EIF4ENIF1: variants seen among roughly 807,000 people sequenced by gnomAD.
EIF4ENIF1 encodes the protein eukaryotic translation initiation factor 4E nuclear import factor 1, also known as eukaryotic translation initiation factor 4E transporter.
Under a neutral mutation model 110.5 loss-of-function variants are expected in EIF4ENIF1, and 23 were observed. That is an observed-to-expected ratio of 0.21 (90% CI 0.15 to 0.29). The LOEUF (loss-of-function observed/expected upper bound fraction) is 0.29. Ranked by LOEUF, EIF4ENIF1 falls within the 10% of genes least tolerant of loss-of-function variation. The pLI is 1.00. For missense variants in EIF4ENIF1, 1,031 were observed against 1,221.1 expected (o/e 0.84, Z 2.32); for synonymous variants, 440 against 437.0 (o/e 1.01, Z -0.09).
At chr22:31,452,913 A>G (rs532406840) in intron 10 of EIF4ENIF1, among the ~76,000 whole-genome samples, 1 of 152,298 alleles carries the variant, frequency 6.6e-6, no homozygotes, top group East Asian at 1.9e-4. Flanking sequence ...TGTCTGTCCT[A>G]TTGGTCAGAT....
At chr22:31,450,885 A>ACACACG (rs2050648102) in intron 10 of EIF4ENIF1, 1 of 162,656 alleles carries the variant, frequency 6.1e-6, no homozygotes, top group Non-Finnish European at 1.3e-5. Context: ...ACACACACAC[A>ACACACG]CACACACACA....
At chr22:31,489,514 C>G (rs1033108971) in intron 1 of EIF4ENIF1, 180 bp downstream of exon 1, 9 of 150,062 alleles carry the variant, frequency 6.0e-5, no homozygotes, top group African/African-American at 1.9e-4. Context: ...CGCCAGCCAG[C>G]CCGCCGGCTA....
chr22:31,463,669 A>AG lies in EIF4ENIF1; in HGVS notation c.585+11_585+12insC, dbSNP rs1569086980. ...CTCAATTTAAAAAAAAAAAAAAAAA[A>AG]AAAAGACAAACCCTGAAACGCTTGT... On this transcript the variant is annotated intron_variant, in intron 5 of 18. Coordinates refer to ENST00000330125, the MANE Select transcript of EIF4ENIF1 (RefSeq NM_019843.4). 4 of 1,555,684 alleles carry AG rather than the reference A, an allele frequency of 2.6e-6. No homozygotes were observed. In the South Asian group the frequency reaches 3.7e-5, roughly 14 times the overall value.
upstream of EIF4ENIF1, among the ~76,000 whole-genome samples, chr22:31,492,512 T>A (rs2052293926): frequency 6.6e-6 from 1 of 152,186 alleles, no homozygotes; most frequent in African/African-American, 2.4e-5. Context: ...CTTTAATGTC[T>A]TGTAGAACTT....
At chr22:31,470,484 T>C (rs973659181) in intron 3 of EIF4ENIF1, among the ~76,000 whole-genome samples, 2 of 152,020 alleles carry the variant, frequency 1.3e-5, no homozygotes, top group African/African-American at 4.8e-5. Context: ...TTTCGCCATG[T>C]TGGCCAGGCT....
intron 2 of EIF4ENIF1, among the ~76,000 whole-genome samples, chr22:31,483,396 T>G (rs2051902549): frequency 6.6e-6 from 1 of 151,614 alleles, no homozygotes; most frequent in Admixed American, 6.6e-5. Context: ...AGTGACAGGG[T>G]CTTGTCATCC....
chr22:31,466,303 C>T (rs2051183793), intron 4 of EIF4ENIF1, among the ~76,000 whole-genome samples: 1 of 152,086 alleles, frequency 6.6e-6, no homozygotes, highest in African/African-American at 2.4e-5. Flanking sequence ...ATCCCAGCTA[C>T]TTGGGAGGCT....
intron 10 of EIF4ENIF1, 121 bp downstream of exon 10, chr22:31,454,023 A>T (rs536868515): frequency 1.2e-6 from 1 of 838,624 alleles, no homozygotes; most frequent in South Asian, 1.8e-5. Context: ...ATCAAGGACC[A>T]AATGACTACT....
intron 7 of EIF4ENIF1, among the ~76,000 whole-genome samples, chr22:31,456,285 A>C (rs541364181): frequency 6.9e-6 from 1 of 143,940 alleles, no homozygotes; most frequent in Admixed American, 7.2e-5. Flanking sequence ...GTGCAGTGGC[A>C]CGATCTCGGC....
chr22:31,472,053 A>G lies in EIF4ENIF1; in HGVS notation c.97-136T>C, dbSNP rs1257019446. On this transcript the variant is annotated intron_variant, in intron 2 of 18. Coordinates refer to ENST00000330125, the MANE Select transcript of EIF4ENIF1 (RefSeq NM_019843.4). Reference sequence around the variant, plus strand: ...TTATTTACATCTTGCCTTATTTCAGAAAGGACTGGAGTACATTGAGGTTCT... The same window carrying G: ...TTATTTACATCTTGCCTTATTTCAGGAAGGACTGGAGTACATTGAGGTTCT... The G allele has an allele frequency of 4.5e-6, 3 of 662,066 alleles. No homozygotes were observed. The African/African-American group carries it at 5.6e-5, about 12-fold the overall frequency. The allele number at this position is 662,066 out of a possible 1,614,324, so 41.0% of individuals were successfully genotyped here. A position where few individuals can be genotyped will look rare whatever the true frequency, so the allele number is the denominator to read the frequency against.
At chr22:31,458,029 AC>A (rs989951937) in intron 7 of EIF4ENIF1, among the ~76,000 whole-genome samples, 1 of 152,136 alleles carries the variant, frequency 6.6e-6, no homozygotes, top group African/African-American at 2.4e-5. Flanking sequence ...GGAGTTCAAG[AC>A]CCGTCTGGCC....
At position 31,479,336 on chromosome 22, in the gene EIF4ENIF1, C is replaced by T. The variant is rs560563643; in HGVS notation, c.97-7419G>A. 8.5e-5 allele frequency: 13 copies of T among 152,104 alleles called. No homozygotes were observed. The East Asian group carries it at 2.3e-3, about 27-fold the overall frequency. 9.4% of individuals were successfully genotyped at this position (152,104 alleles called of 1,614,324 possible). A position where few individuals can be genotyped will look rare whatever the true frequency, so the allele number is the denominator to read the frequency against. ...TCGGCCTCCCAAAGTGTTAGGATTA[C>T]GGGTGTGAGCCACCATGCCTGGACA... is the stretch of plus-strand genomic sequence containing the variant. On this transcript the variant is annotated intron_variant, in intron 2 of 18. Coordinates refer to ENST00000330125, the MANE Select transcript of EIF4ENIF1 (RefSeq NM_019843.4).
At position 31,463,101 on chromosome 22, in the gene EIF4ENIF1, A is replaced by G. The variant is rs1306073214; in HGVS notation, c.618T>C (p.Gly206=). 6.2e-7 allele frequency: 1 copy of G among 1,614,032 alleles called. No individual in the cohort carries two copies. The highest frequency in any genetic ancestry group is 1.3e-5 in the African/African-American group (1 of 74,908). ...TGTAAGAATCATTTCTTCTACGCTC[A>G]CCAAAGACACGCTTACTATCTCCAA... The part of the protein sequence containing the change: ...REFGDSKRVF[G]ERRRNDSYTE... Residue 206 remains glycine, a synonymous_variant, in exon 6 of 19, where the codon GGT becomes GGC. Transcript: ENST00000330125.
At chr22:31,486,006 G>T (rs532338547) in intron 2 of EIF4ENIF1, among the ~76,000 whole-genome samples, 1 of 152,018 alleles carries the variant, frequency 6.6e-6, no homozygotes, top group Non-Finnish European at 1.5e-5. Flanking sequence ...CAGCATTTTG[G>T]GGGGCCGAGG....
At chr22:31,458,886 C>A (rs1042559476) in intron 6 of EIF4ENIF1, among the ~76,000 whole-genome samples, 1 of 150,954 alleles carries the variant, frequency 6.6e-6, no homozygotes, top group African/African-American at 2.4e-5. Context: ...TTATGGTTCC[C>A]TTCGTGGGAA....
chr22:31,477,402 A>G (rs2146065351), intron 2 of EIF4ENIF1, among the ~76,000 whole-genome samples: 1 of 151,032 alleles, frequency 6.6e-6, no homozygotes, highest in Non-Finnish European at 1.5e-5. Flanking sequence ...GAGAATTTGA[A>G]ATTGAGAGGT....
At chr22:31,455,337 C>A in intron 8 of EIF4ENIF1, 22 bp from the exon 9 acceptor site, 1 of 1,503,184 alleles carries the variant, frequency 6.7e-7, no homozygotes, top group Non-Finnish European at 8.9e-7. Context: ...AATAAACATA[C>A]TCAAAATTAA....
intron 12 of EIF4ENIF1, among the ~76,000 whole-genome samples, chr22:31,448,926 A>G (rs533525937): frequency 7.5e-4 from 114 of 152,366 alleles, no homozygotes; most frequent in African/African-American, 2.6e-3. Context: ...TTAGATTTCA[A>G]TAAAAAAAAA....
intron 2 of EIF4ENIF1, among the ~76,000 whole-genome samples, chr22:31,485,252 G>A (rs1304491505): frequency 6.6e-6 from 1 of 152,136 alleles, no homozygotes; most frequent in Non-Finnish European, 1.5e-5. Flanking sequence ...GCTAAAAAAT[G>A]CTTTTAACCA....
Sources: gnomAD v4.1 joint callset for allele counts (sites outside exome capture counted in the v4.1 genomes callset) on GRCh38, gnomAD v4.1.1 for gene constraint, MANE v1.5 for transcripts, NCBI Gene and HGNC (gene_info 2026-07-23, HGNC 2026-07-21) for gene names.